Variants in KCNH1 observed in about 807,000 individuals in gnomAD.
KCNH1 encodes the protein voltage-gated delayed rectifier potassium channel KCNH1.
Under a neutral mutation model 69.2 loss-of-function variants are expected in KCNH1, and 27 were observed. The observed-to-expected ratio is 0.39, with a 90% CI of 0.29 to 0.54. The LOEUF is 0.54. Ranked by LOEUF, KCNH1 falls within the 20% of genes least tolerant of loss-of-function variation. The pLI is 0.68. For synonymous variants in KCNH1, 456 were observed against 487.7 expected (o/e 0.93, Z 0.86); for missense variants, 798 against 1,261.6 (o/e 0.63, Z 5.57).
chr1:210,956,471 G>T (rs1442958280), intron 6 of KCNH1, among the ~76,000 whole-genome samples: 1 of 151,734 alleles, frequency 6.6e-6, no homozygotes, highest in East Asian at 1.9e-4. Context: ...AGTTTCAGAA[G>T]GAATGGTACA....
At chr1:211,086,456 G>A (rs1690954003) in intron 4 of KCNH1, among the ~76,000 whole-genome samples, 1 of 152,168 alleles carries the variant, frequency 6.6e-6, no homozygotes, top group African/African-American at 2.4e-5. Context: ...GCATAACAGG[G>A]CTGCGGATGC....
chr1:210,945,973 T>G (rs994015274), intron 6 of KCNH1, among the ~76,000 whole-genome samples: 2 of 152,246 alleles, frequency 1.3e-5, no homozygotes, highest in Non-Finnish European at 2.9e-5. Context: ...CACACTAGAA[T>G]GTACACACTG....
At chr1:210,866,271 T>G (rs1038933343) in intron 7 of KCNH1, among the ~76,000 whole-genome samples, 1 of 152,126 alleles carries the variant, frequency 6.6e-6, no homozygotes, top group African/African-American at 2.4e-5. Flanking sequence ...AAAAATGGAC[T>G]ATATGAAAAC....
At chr1:210,860,941 T>C in intron 7 of KCNH1, 1 of 964,410 alleles carries the variant, frequency 1.0e-6, no homozygotes, top group East Asian at 2.4e-5. Flanking sequence ...ATTACAGATC[T>C]TTTTCTTCAG....
intron 6 of KCNH1, among the ~76,000 whole-genome samples, chr1:210,960,056 T>G (rs940981289): frequency 3.5e-4 from 54 of 152,340 alleles, no homozygotes; most frequent in African/African-American, 1.2e-3. Flanking sequence ...CAAGAGGCTC[T>G]CTTTGCCAGA....
chr1:210,964,796 A>G (rs1688367674), intron 6 of KCNH1, among the ~76,000 whole-genome samples: 1 of 152,114 alleles, frequency 6.6e-6, no homozygotes, highest in South Asian at 2.1e-4. Context: ...GAGACACAAC[A>G]AAAAAAGAAA....
chr1:210,940,830 T>G (rs991127754), intron 6 of KCNH1, among the ~76,000 whole-genome samples: 10 of 152,374 alleles, frequency 6.6e-5, no homozygotes, highest in Admixed American at 1.3e-4. Flanking sequence ...ATGAAATTAA[T>G]CCAAGTAGCC....
intron 10 of KCNH1, among the ~76,000 whole-genome samples, chr1:210,702,677 A>G (rs1386098218): frequency 2.0e-5 from 3 of 152,202 alleles, no homozygotes; most frequent in Non-Finnish European, 4.4e-5. Context: ...TATCCCATAT[A>G]AGGACTTTAA....
At chr1:210,783,597 C>T (rs1684033882) in intron 9 of KCNH1, among the ~76,000 whole-genome samples, 2 of 152,152 alleles carry the variant, frequency 1.3e-5, no homozygotes, top group Admixed American at 1.3e-4. Flanking sequence ...TTTGCCTTTC[C>T]CTATACCTTC....
intron 7 of KCNH1, chr1:210,860,863 C>T: frequency 1.1e-6 from 1 of 921,626 alleles, no homozygotes; most frequent in Non-Finnish European, 1.8e-6. Flanking sequence ...AGCCCTTGCT[C>T]TCATGTAGCC....
intron 10 of KCNH1, among the ~76,000 whole-genome samples, chr1:210,761,026 G>T (rs1339888525): frequency 6.6e-6 from 1 of 151,832 alleles, no homozygotes; most frequent in Non-Finnish European, 1.5e-5. Context: ...GCCGAGGCGG[G>T]CGGATCACAA....
intron 5 of KCNH1, among the ~76,000 whole-genome samples, chr1:211,019,900 C>T (rs1689558210): frequency 6.6e-6 from 1 of 152,008 alleles, no homozygotes; most frequent in East Asian, 1.9e-4. Flanking sequence ...TTGTGAATGA[C>T]CAGTGGGTCA....
In KCNH1 at chr1:210,957,215, T is replaced by G. The variant is rs147143532; in HGVS notation, c.1033-37146A>C. 2.1e-3 allele frequency among the ~76,000 whole-genome samples: 314 copies of G among 152,328 alleles called. 1 individual carries two copies. Among genetic ancestry groups the G allele is most frequent in the African/African-American group, 7.2e-3 (299 of 41,582 alleles). ...GCAGACTGTTCAGTTTCCATGTAGT[T>G]GTGAAGTCTTGAGTGAGTTTCTTAA... is the stretch of plus-strand genomic sequence containing the variant. On this transcript the variant is annotated intron_variant, in intron 6 of 10. Transcript: ENST00000271751.
At chr1:210,807,832 G>A (rs1460103783) in intron 7 of KCNH1, among the ~76,000 whole-genome samples, 1 of 152,054 alleles carries the variant, frequency 6.6e-6, no homozygotes, top group African/African-American at 2.4e-5. Flanking sequence ...AGTGTTAGCT[G>A]ACATACTATG....
chr1:210,783,415 A>T (rs766645684), intron 9 of KCNH1, among the ~76,000 whole-genome samples: 2 of 152,190 alleles, frequency 1.3e-5, no homozygotes, highest in Non-Finnish European at 2.9e-5. Context: ...CCCCAAATCA[A>T]TTCTTTCCTC....
chr1:210,951,915 C>T (rs954655863), intron 6 of KCNH1, among the ~76,000 whole-genome samples: 4 of 152,140 alleles, frequency 2.6e-5, no homozygotes, highest in Non-Finnish European at 5.9e-5. Context: ...AGCCTTTCTT[C>T]TTTGAGCTTT....
intron 6 of KCNH1, among the ~76,000 whole-genome samples, chr1:210,992,298 A>C (rs1004860560): frequency 1.3e-5 from 2 of 152,222 alleles, no homozygotes; most frequent in African/African-American, 4.8e-5. Flanking sequence ...GCCCTTCTAC[A>C]TAACAGTGAA....
intron 6 of KCNH1, among the ~76,000 whole-genome samples, chr1:210,934,512 G>T (rs1213783671): frequency 6.6e-6 from 1 of 152,086 alleles, no homozygotes; most frequent in Admixed American, 6.6e-5. Flanking sequence ...GGTGGCTTGC[G>T]CCTGTAGTCC....
At chr1:210,969,546 T>C (rs935257712) in intron 6 of KCNH1, among the ~76,000 whole-genome samples, 2 of 152,048 alleles carry the variant, frequency 1.3e-5, no homozygotes, top group African/African-American at 4.8e-5. Context: ...TTGGTCTAAG[T>C]TTTCAAACAT....
Sources: gnomAD v4.1 joint callset for allele counts (sites outside exome capture counted in the v4.1 genomes callset) on GRCh38, gnomAD v4.1.1 for gene constraint, MANE v1.5 for transcripts, NCBI Gene and HGNC (gene_info 2026-07-23, HGNC 2026-07-21) for gene names.